Variants in LINGO2 observed in about 807,000 individuals in gnomAD.
The protein encoded by LINGO2 is leucine-rich repeat and immunoglobulin-like domain-containing nogo receptor-interacting protein 2.
LINGO2 carries 14 observed loss-of-function variants against 30.6 expected under a neutral mutation model. The ratio of observed to expected loss-of-function variants is 0.46; its 90% confidence interval spans 0.30 to 0.72. LINGO2 has a LOEUF of 0.72. Ranked by LOEUF, LINGO2 falls within the 30% of genes least tolerant of loss-of-function variation. LINGO2 has a pLI of 0.07. For missense variants in LINGO2, 729 were observed against 751.7 expected (o/e 0.97, Z 0.35); for synonymous variants, 317 against 288.5 (o/e 1.10, Z -1.00).
chr9:28,494,712 T>C (rs1387121756), intron 1 of LINGO2, among the ~76,000 whole-genome samples: 1 of 152,236 alleles, frequency 6.6e-6, no homozygotes, highest in South Asian at 2.1e-4. Context: ...GCATGATTTA[T>C]AATCCTTTGG....
intron 4 of LINGO2, among the ~76,000 whole-genome samples, chr9:28,172,637 C>A (rs979584745): frequency 1.3e-5 from 2 of 152,110 alleles, no homozygotes; most frequent in African/African-American, 4.8e-5. Context: ...TGGAGGGAAA[C>A]CTTCAGGGAA....
At chr9:28,695,085 G>A in the LINGO2 span, among the ~76,000 whole-genome samples, 1 of 151,250 alleles carries the variant, frequency 6.6e-6, no homozygotes, top group African/African-American at 2.4e-5. Context: ...AAGCACTCCT[G>A]TTATAGTACA....
At position 28,322,124 on chromosome 9, in the gene LINGO2, G is replaced by T. The variant is rs183580147; in HGVS notation, c.-245-26758C>A. On this transcript the variant is annotated intron_variant, in intron 3 of 5. Transcript: ENST00000379992. ...TACACACTAACCTTGAGACACATGG[G>T]TTTTTTTCATCTTTAGACACATCAA... Among the ~76,000 whole-genome samples, 62 of 152,110 alleles carry T rather than the reference G, an allele frequency of 4.1e-4. No homozygotes were observed. The East Asian group carries it at 0.011, about 27-fold the overall frequency.
chr9:28,179,039 T>C (rs1432290699), intron 4 of LINGO2, among the ~76,000 whole-genome samples: 1 of 152,028 alleles, frequency 6.6e-6, no homozygotes, highest in Non-Finnish European at 1.5e-5. Context: ...CCTAATAAAA[T>C]GTACAAAAGT....
chr9:27,974,857 G>A (rs1820522807), intron 5 of LINGO2, among the ~76,000 whole-genome samples: 1 of 152,104 alleles, frequency 6.6e-6, no homozygotes, highest in African/African-American at 2.4e-5. Context: ...ACCTGTTCGA[G>A]GAATTCCAAG....
chr9:28,549,095 A>G (rs546662855), intron 1 of LINGO2, among the ~76,000 whole-genome samples: 1 of 152,206 alleles, frequency 6.6e-6, no homozygotes, highest in South Asian at 2.1e-4. Flanking sequence ...ATTGCTTCAG[A>G]TGTAATAAAA....
chr9:28,176,267 T>A (rs1828747387), intron 4 of LINGO2, among the ~76,000 whole-genome samples: 1 of 152,134 alleles, frequency 6.6e-6, no homozygotes, highest in African/African-American at 2.4e-5. Flanking sequence ...AATCTTTTCT[T>A]CCTGAAAAAC....
intron 4 of LINGO2, among the ~76,000 whole-genome samples, chr9:28,070,654 G>C (rs1360492588): frequency 6.6e-6 from 1 of 152,072 alleles, no homozygotes; most frequent in Non-Finnish European, 1.5e-5. Context: ...TATAACTACT[G>C]TAATTATTAT....
At chr9:28,565,511 T>G (rs958727549) in intron 1 of LINGO2, among the ~76,000 whole-genome samples, 1 of 150,112 alleles carries the variant, frequency 6.7e-6, no homozygotes, top group Admixed American at 6.6e-5. Flanking sequence ...ATTTTTTTTT[T>G]TTTACAGACA....
At chr9:28,863,495 G>A in the LINGO2 span, 2 of 375,220 alleles carry the variant, frequency 5.3e-6, no homozygotes, top group South Asian at 3.9e-5. Flanking sequence ...GCACCAAATA[G>A]AAGGATTCTA....
intron 1 of LINGO2, among the ~76,000 whole-genome samples, chr9:28,628,705 A>G (rs1276486191): frequency 6.6e-6 from 1 of 152,110 alleles, no homozygotes; most frequent in Non-Finnish European, 1.5e-5. Flanking sequence ...TAGTCTCTTG[A>G]TTTCTGCTTT....
At chr9:28,912,677 A>G in the LINGO2 span, among the ~76,000 whole-genome samples, 2 of 152,276 alleles carry the variant, frequency 1.3e-5, no homozygotes, top group Admixed American at 6.5e-5. Flanking sequence ...ATGTGTCTTC[A>G]TTAGTAATCA....
chr9:28,896,075 T>G, the LINGO2 span, among the ~76,000 whole-genome samples: 4 of 151,908 alleles, frequency 2.6e-5, no homozygotes, highest in Admixed American at 2.6e-4. Flanking sequence ...GCTCTAACAT[T>G]TAAAAGACAA....
intron 1 of LINGO2, among the ~76,000 whole-genome samples, chr9:28,534,374 A>G (rs185582690): frequency 1.3e-5 from 2 of 152,252 alleles, no homozygotes; most frequent in East Asian, 3.9e-4. Context: ...TACAATTACT[A>G]TATACTATAG....
chr9:29,005,875 GTTA>G, the LINGO2 span, among the ~76,000 whole-genome samples: 1 of 151,918 alleles, frequency 6.6e-6, no homozygotes, highest in Non-Finnish European at 1.5e-5. Flanking sequence ...TTGTATTATT[GTTA>G]TTATTGTTGT....
At chr9:28,448,784 A>G (rs1824529184) in intron 2 of LINGO2, among the ~76,000 whole-genome samples, 1 of 152,102 alleles carries the variant, frequency 6.6e-6, no homozygotes, top group Admixed American at 6.6e-5. Flanking sequence ...CATCTGGAGA[A>G]AACAGTACAG....
At chr9:27,954,019 A>G (rs1479498666) in intron 5 of LINGO2, among the ~76,000 whole-genome samples, 2 of 152,160 alleles carry the variant, frequency 1.3e-5, no homozygotes, top group Admixed American at 6.5e-5. Context: ...AATTTTTTCA[A>G]AAACATACCT....
chr9:29,058,947 T>C, the LINGO2 span, among the ~76,000 whole-genome samples: 1 of 152,024 alleles, frequency 6.6e-6, no homozygotes, highest in Non-Finnish European at 1.5e-5. Context: ...AATAGAATAT[T>C]TAGTATTTTA....
chr9:28,088,011 A>G (rs1440153141), intron 4 of LINGO2, among the ~76,000 whole-genome samples: 1 of 152,002 alleles, frequency 6.6e-6, no homozygotes, highest in East Asian at 1.9e-4. Context: ...AGTTCATGCT[A>G]TTTGGATGTC....
Sources: allele counts gnomAD v4.1 joint callset (sites outside exome capture counted in the v4.1 genomes callset), GRCh38; gene constraint gnomAD v4.1.1; transcripts MANE v1.5; gene names NCBI Gene and HGNC (gene_info 2026-07-23, HGNC 2026-07-21).